Variants in BTF3 observed in about 807,000 individuals in gnomAD.
BTF3 encodes the protein basic transcription factor 3, also known as transcription factor BTF3.
BTF3 carries 12 observed loss-of-function variants against 23.9 expected under a neutral mutation model. The observed-to-expected ratio is 0.50, with a 90% confidence interval of 0.32 to 0.81. The LOEUF is 0.81. BTF3 is among the 40% of genes least tolerant of loss of function. The pLI is 0.03. For missense variants in BTF3, 215 were observed against 255.9 expected (o/e 0.84, Z 1.09); for synonymous variants, 96 against 94.8 (o/e 1.01, Z -0.07).
chr5:73,499,657 G>T, intron 2 of BTF3: 1 of 233,436 alleles, frequency 4.3e-6, no homozygotes, highest in East Asian at 1.1e-4. Flanking sequence ...TGAAGATACG[G>T]GTACATTTTG....
chr5:73,501,424 T>C (rs1013211927), intron 2 of BTF3, among the ~76,000 whole-genome samples: 1 of 152,222 alleles, frequency 6.6e-6, no homozygotes, highest in African/African-American at 2.4e-5. Flanking sequence ...TATTTATCTC[T>C]TATAGTAATA....
chr5:73,504,612 G>C (rs533274546), intron 5 of BTF3: 389 of 418,248 alleles, frequency 9.3e-4, no homozygotes, highest in Admixed American at 2.4e-3. Flanking sequence ...TCCCAAGGAT[G>C]TGTAGGTATC....
At position 73,501,782 on chromosome 5, in the gene BTF3, C is replaced by T. The variant is rs764846036; in HGVS notation, c.202-706C>T. On this transcript the variant is annotated intron_variant, in intron 2 of 5. Transcript: ENST00000380591. ...GGGCTTCAGACTTTACTATCGAGTC[C>T]TATAGAAGTCTATATACAGATTCAT... 9.8e-4 allele frequency among the ~76,000 whole-genome samples: 149 copies of T among 152,132 alleles called. 1 individual carries two copies. Among genetic ancestry groups the T allele is most frequent in the Non-Finnish European group, 1.5e-3 (101 of 68,026 alleles).
At chr5:73,498,858 A>G (rs1746358305) in intron 1 of BTF3, 59 bp downstream of exon 1, 11 of 1,446,208 alleles carry the variant, frequency 7.6e-6, no homozygotes, top group Non-Finnish European at 8.1e-6. Flanking sequence ...GGCCGAGGCC[A>G]GGCCAGGGCC....
chr5:73,502,653 T>A, intron 3 of BTF3, 52 bp downstream of exon 3: 1 of 1,359,358 alleles, frequency 7.4e-7, no homozygotes, highest in Non-Finnish European at 1.0e-6. Context: ...TGGGAAAAGT[T>A]AACGTTAATG....
chr5:73,499,015 G>A, intron 1 of BTF3, 119 bp from the exon 2 acceptor site: 3 of 1,285,698 alleles, frequency 2.3e-6, no homozygotes, highest in Non-Finnish European at 3.2e-6. Flanking sequence ...GTGGATTTGG[G>A]ATCCAGGTTT....
At chr5:73,502,675 T>C (rs1037838132) in intron 3 of BTF3, 74 bp downstream of exon 3, 3 of 897,770 alleles carry the variant, frequency 3.3e-6, no homozygotes, top group Non-Finnish European at 4.5e-6. Context: ...ATTAAATGGG[T>C]TGTTTTTTTT....
chr5:73,504,988 C>T (rs1342461817), intron 5 of BTF3, among the ~76,000 whole-genome samples: 2 of 135,850 alleles, frequency 1.5e-5, no homozygotes, highest in African/African-American at 6.8e-5. Flanking sequence ...GGTTCTGCTC[C>T]CCCACTATTG....
rs1746475942 is a variant in BTF3, at chr5:73,503,059, G to A, written c.459G>A (p.Gln153=). 1 of 1,614,044 alleles carries A rather than the reference G, an allele frequency of 6.2e-7. No individual in the cohort carries two copies. Among genetic ancestry groups the A allele is most frequent in the African/African-American group, 1.3e-5 (1 of 75,062 alleles). ...LTEMLPSILN[Q]LGADSLTSLR... ...AAATGCTACCCAGCATCTTAAACCAGCTTGGTGCGGATAGTCTGACTAGTT... is the reference window on the plus strand; with the variant it reads ...AAATGCTACCCAGCATCTTAAACCAACTTGGTGCGGATAGTCTGACTAGTT... Residue 153 remains glutamine, a synonymous_variant, in exon 4 of 6, where the codon CAG becomes CAA. Coordinates refer to ENST00000380591, the MANE Select transcript of BTF3 (RefSeq NM_001037637.2).
Position 73,498,485 on chromosome 5 carries a change from C to G in BTF3, c.-183C>G. 1.3e-6 allele frequency: 1 copy of G among 797,858 alleles called. No individual in the cohort carries two copies. Among genetic ancestry groups the G allele is most frequent in the Non-Finnish European group, 1.8e-6 (1 of 564,958 alleles). 49.4% of individuals were successfully genotyped at this position (797,858 alleles called of 1,614,324 possible). On this transcript the variant is annotated 5_prime_UTR_variant, in exon 1 of 6. In the 5' UTR this introduces an upstream ATG that the reference lacks. Transcript: ENST00000380591. ...GCGTCCCCGCGTGTGTGCGCCTAAT[C>G]TCAGGTGGTCCACCCGAGACCCCTT... is the stretch of plus-strand genomic sequence containing the variant.
Position 73,498,442 on chromosome 5 carries a change from C to T in BTF3, c.-226C>T, listed in dbSNP as rs922579770. On this transcript the variant is annotated 5_prime_UTR_variant, in exon 1 of 6. Transcript: ENST00000380591. ...AGTGGCCTTGTGTCACTTCCGGCCT[C>T]CCTTTAGCTGCCATCTTGCGTCCCC... is the stretch of plus-strand genomic sequence containing the variant. 19 of 515,672 alleles carry T rather than the reference C, an allele frequency of 3.7e-5. No individual in the cohort carries two copies. Among genetic ancestry groups the T allele is most frequent in the Non-Finnish European group, 5.7e-5 (18 of 314,124 alleles). The allele number at this position is 515,672 out of a possible 1,614,324, so 31.9% of individuals were successfully genotyped here.
In BTF3 at chr5:73,499,192, T is replaced by C; in HGVS notation, c.191T>C (p.Ile64Thr). 7.4e-6 allele frequency: 12 copies of C among 1,613,604 alleles called. No individual in the cohort carries two copies. Among genetic ancestry groups the C allele is most frequent in the Non-Finnish European group, 1.0e-5 (12 of 1,179,926 alleles). Residue 64 changes from isoleucine (I) to threonine (T), a missense_variant, in exon 2 of 6, where the codon ATT becomes ACT. By Grantham distance (89) the Ile-to-Thr change is moderately conservative. Transcript: ENST00000380591. ...GCCAAACTGCAGGCACAAGTGCGCA[T>C]TGGTGGGAAAGTAAGTTTTAATAGT... ...KLAKLQAQVRIGGKGTARRKK... is the reference protein window; with the variant it reads ...KLAKLQAQVRTGGKGTARRKK...
Position 73,499,116 on chromosome 5 carries a change from G to C in BTF3, c.133-18G>C. On this transcript the variant is annotated intron_variant, in intron 1 of 5. Transcript: ENST00000380591. Reference sequence around the variant, plus strand: ...GTGAGCTAAACCTATCCTTGCTGAGGATTTCCTCTTTTTCTAGATGAAAGA... The same window carrying C: ...GTGAGCTAAACCTATCCTTGCTGAGCATTTCCTCTTTTTCTAGATGAAAGA... 1.2e-6 allele frequency: 2 copies of C among 1,604,756 alleles called. No homozygotes were observed. The highest frequency in any genetic ancestry group is 1.4e-5 in the African/African-American group (1 of 73,908).
At chr5:73,502,458 T>A in intron 2 of BTF3, 30 bp from the exon 3 acceptor site, 1 of 1,477,688 alleles carries the variant, frequency 6.8e-7, no homozygotes, top group Non-Finnish European at 9.2e-7. Flanking sequence ...ATAAATGTGC[T>A]GTTTTCTTTC....
chr5:73,504,947 A>C (rs1288172500), intron 5 of BTF3: 1 of 393,636 alleles, frequency 2.5e-6, no homozygotes, highest in Non-Finnish European at 4.5e-6. Flanking sequence ...AATCCAGGAA[A>C]ATTTTAACAT....
At chr5:73,500,346 TCTTA>T (rs914938794) in intron 2 of BTF3, among the ~76,000 whole-genome samples, 1 of 152,202 alleles carries the variant, frequency 6.6e-6, no homozygotes, top group African/African-American at 2.4e-5. Flanking sequence ...TTTTAACCAC[TCTTA>T]CTTTCAGTAC....
intron 2 of BTF3, 32 bp downstream of exon 2, chr5:73,499,234 T>A: frequency 6.2e-7 from 1 of 1,606,310 alleles, no homozygotes; most frequent in Non-Finnish European, 8.5e-7. Context: ...TTGTGGGTTT[T>A]TTTTTTAAGG....
chr5:73,502,376 A>G (rs1331390457), intron 2 of BTF3, 112 bp from the exon 3 acceptor site: 2 of 703,044 alleles, frequency 2.8e-6, no homozygotes, highest in African/African-American at 1.8e-5. Context: ...GATTATGGTA[A>G]TGTTCTTATA....
At position 73,504,402 on chromosome 5, in the gene BTF3, A is replaced by G; in HGVS notation, c.573A>G (p.Pro191=). ...GAGAGGATGATGATGATGAAGTTCCAGGTAGGAACGTTTACTTGTGGTTAA... is the reference window on the plus strand; with the variant it reads ...GAGAGGATGATGATGATGAAGTTCCGGGTAGGAACGTTTACTTGTGGTTAA... ...ATGEDDDDEV[P]DLVENFDEAS... is the part of the protein sequence containing the mutation. The change falls in exon 5 of 6, where the codon CCA becomes CCG. Residue 191 remains proline, a splice_region_variant and synonymous_variant. Transcript: ENST00000380591. 2 of 1,600,084 alleles carry G rather than the reference A, an allele frequency of 1.2e-6. No homozygotes were observed. The highest frequency in any genetic ancestry group is 1.4e-5 in the African/African-American group (1 of 73,934).
Sources: gnomAD v4.1 joint callset for allele counts (sites outside exome capture counted in the v4.1 genomes callset) on GRCh38, gnomAD v4.1.1 for gene constraint, MANE v1.5 for transcripts, NCBI Gene and HGNC (gene_info 2026-07-23, HGNC 2026-07-21) for gene names.